The following LARS2 variants were observed in gnomAD, a reference collection of about 807,000 sequenced individuals.
LARS2 encodes leucyl-tRNA synthetase 2, mitochondrial.
A neutral mutation model predicts 116.6 loss-of-function variants in LARS2; 81 were observed. The observed-to-expected ratio is 0.69, with a 90% CI of 0.58 to 0.84. The LOEUF (loss-of-function observed/expected upper bound fraction) is 0.84. Among genes scored for constraint, LARS2 ranks in the 40% least tolerant of loss-of-function variants. The pLI is 0.00. For synonymous variants in LARS2, 396 were observed against 407.2 expected, an observed-to-expected ratio of 0.97 and a Z score of 0.33; for missense variants, 968 against 1,114.5, an observed-to-expected ratio of 0.87 and a Z score of 1.87.
intron 7 of LARS2, among the ~76,000 whole-genome samples, chr3:45,457,304 G>T (rs752728949): frequency 1.3e-5 from 2 of 152,202 alleles, no homozygotes; most frequent in Non-Finnish European, 2.9e-5. Flanking sequence ...TCAACTTCTT[G>T]GGCCACAGAT....
chr3:45,447,801 G>GTTT (rs1699046865), intron 7 of LARS2, among the ~76,000 whole-genome samples: 1 of 152,200 alleles, frequency 6.6e-6, no homozygotes, highest in African/African-American at 2.4e-5. Flanking sequence ...AAATGAAAGT[G>GTTT]TTTGTTATGG....
chr3:45,450,473 A>T (rs1218388492), intron 7 of LARS2, among the ~76,000 whole-genome samples: 1 of 152,212 alleles, frequency 6.6e-6, no homozygotes, highest in Non-Finnish European at 1.5e-5. Context: ...AAGCTCTCAC[A>T]TATGAGTGAG....
intron 13 of LARS2, among the ~76,000 whole-genome samples, chr3:45,493,225 G>A (rs1418502125): frequency 1.1e-4 from 16 of 151,896 alleles, no homozygotes; most frequent in East Asian, 1.9e-4. Context: ...TCAGCCTCCC[G>A]AGTAGCTGGG....
intron 19 of LARS2, among the ~76,000 whole-genome samples, chr3:45,521,924 A>G (rs1303455976): frequency 2.0e-5 from 3 of 152,122 alleles, no homozygotes; most frequent in Non-Finnish European, 4.4e-5. Flanking sequence ...CCTGGGCAAC[A>G]TAACAAGACT....
intron 16 of LARS2, among the ~76,000 whole-genome samples, chr3:45,514,334 C>T (rs949178524): frequency 6.6e-6 from 1 of 152,208 alleles, no homozygotes; most frequent in Non-Finnish European, 1.5e-5. Flanking sequence ...GATTAGGTCA[C>T]ACGACAACCC....
intron 6 of LARS2, among the ~76,000 whole-genome samples, chr3:45,426,326 C>G (rs1266012721): frequency 6.6e-6 from 1 of 152,216 alleles, no homozygotes; most frequent in Non-Finnish European, 1.5e-5. Context: ...TTTGCAAGAG[C>G]TAGCAGTGGT....
intron 6 of LARS2, among the ~76,000 whole-genome samples, chr3:45,446,470 C>T (rs1699020544): frequency 6.6e-6 from 1 of 152,240 alleles, no homozygotes; most frequent in Non-Finnish European, 1.5e-5. Context: ...AAATGAGGAT[C>T]ATACTGAGGC....
chr3:45,533,427 G>A (rs1323259148), intron 20 of LARS2, among the ~76,000 whole-genome samples: 1 of 152,106 alleles, frequency 6.6e-6, no homozygotes, highest in Non-Finnish European at 1.5e-5. Context: ...GATTACAGGC[G>A]TGAGCCACTG....
chr3:45,474,171 G>A, intron 8 of LARS2, 72 bp from the exon 9 acceptor site: 5 of 918,280 alleles, frequency 5.4e-6, no homozygotes. Flanking sequence ...ACCTTAACAA[G>A]CTGCAAATCA....
chr3:45,432,151 A>G (rs890469837), intron 6 of LARS2, among the ~76,000 whole-genome samples: 2 of 152,198 alleles, frequency 1.3e-5, no homozygotes, highest in African/African-American at 4.8e-5. Flanking sequence ...GTCCATCAAA[A>G]TAACTGAATC....
chr3:45,394,733 AGGTTT>A lies in LARS2; in HGVS notation c.234+49_234+53del. 3.6e-6 allele frequency: 5 copies of A among 1,378,282 alleles called. No individual in the cohort carries two copies. The East Asian group carries it at 1.1e-4, about 32-fold the overall frequency. The allele number at this position is 1,378,282 out of a possible 1,614,324, so 85.4% of individuals were successfully genotyped here. A position where few individuals can be genotyped will look rare whatever the true frequency, so the allele number is the denominator to read the frequency against. On this transcript the variant is annotated intron_variant, in intron 3 of 21. Coordinates refer to ENST00000645846, the MANE Select transcript of LARS2 (RefSeq NM_015340.4). ...TAAGAGGGTAGAGAAGAGGGGTTGA[AGGTTT>A]GGACCCTGGGGTTAGACTACCTGGT...
At chr3:45,517,183 AC>A (rs1325393670) in intron 17 of LARS2, among the ~76,000 whole-genome samples, 1 of 152,116 alleles carries the variant, frequency 6.6e-6, no homozygotes, top group East Asian at 1.9e-4. Context: ...TCTGGCTCCC[AC>A]CCCTAACCCA....
chr3:45,514,336 C>A (rs1038048979), intron 16 of LARS2, among the ~76,000 whole-genome samples: 3 of 152,294 alleles, frequency 2.0e-5, no homozygotes, highest in Non-Finnish European at 2.9e-5. Flanking sequence ...TTAGGTCACA[C>A]GACAACCCTG....
intron 20 of LARS2, 177 bp from the exon 21 acceptor site, chr3:45,541,652 A>G: frequency 3.1e-6 from 2 of 649,236 alleles, no homozygotes; most frequent in Non-Finnish European, 5.0e-6. Context: ...GCTACCCAAC[A>G]ACCTGGGATT....
chr3:45,432,695 TA>T (rs2125695915), intron 6 of LARS2, among the ~76,000 whole-genome samples: 1 of 151,942 alleles, frequency 6.6e-6, no homozygotes, highest in East Asian at 1.9e-4. Flanking sequence ...AGATGTCAAA[TA>T]AACAACTTTA....
chr3:45,470,759 C>A (rs1699508234), intron 8 of LARS2, among the ~76,000 whole-genome samples: 2 of 151,960 alleles, frequency 1.3e-5, no homozygotes, highest in Admixed American at 1.3e-4. Context: ...TGTTTCAAAG[C>A]CTTGGGAGTC....
chr3:45,440,934 C>G (rs1428753035), intron 6 of LARS2, among the ~76,000 whole-genome samples: 1 of 150,148 alleles, frequency 6.7e-6, no homozygotes, highest in African/African-American at 2.4e-5. Context: ...TCCCTTGTGC[C>G]TTACCCCAGT....
intron 15 of LARS2, among the ~76,000 whole-genome samples, chr3:45,510,287 G>A (rs1231526038): frequency 6.6e-6 from 1 of 151,318 alleles, no homozygotes; most frequent in African/African-American, 2.4e-5. Context: ...GGTAGTGCGC[G>A]CCTGTGGTCC....
chr3:45,397,750 G>T (rs186402811), intron 3 of LARS2, among the ~76,000 whole-genome samples: 1 of 152,296 alleles, frequency 6.6e-6, no homozygotes, highest in African/African-American at 2.4e-5. Flanking sequence ...TAAGCCATAA[G>T]CCTAATTCAT....
Sources: gnomAD v4.1 joint callset for allele counts (sites outside exome capture counted in the v4.1 genomes callset) on GRCh38, gnomAD v4.1.1 for gene constraint, MANE v1.5 for transcripts, NCBI Gene and HGNC (gene_info 2026-07-23, HGNC 2026-07-21) for gene names.